ZMYND11: variants seen among roughly 807,000 people sequenced by gnomAD.
ZMYND11 encodes zinc finger MYND domain-containing protein 11.
Under a neutral mutation model 84.9 loss-of-function variants are expected in ZMYND11, and 9 were observed. The ratio of observed to expected loss-of-function variants is 0.11; its 90% CI spans 0.06 to 0.18. ZMYND11 has a LOEUF of 0.18. Ranked by LOEUF, ZMYND11 falls within the 10% of genes least tolerant of loss-of-function variation. The probability of loss-of-function intolerance (pLI) is 1.00; values close to 1 mark genes in which losing one functional copy is unlikely to be tolerated. For missense variants in ZMYND11, 409 were observed against 761.0 expected, an observed-to-expected ratio of 0.54 and a Z score of 5.44; for synonymous variants, 250 against 244.1, an observed-to-expected ratio of 1.02 and a Z score of -0.23.
intron 2 of ZMYND11, among the ~76,000 whole-genome samples, chr10:197,344 T>G (rs559837561): frequency 9.2e-5 from 14 of 152,362 alleles, no homozygotes; most frequent in African/African-American, 2.9e-4. Context: ...TCATTGGAAC[T>G]TCTCTTTTTT....
chr10:240,869 A>T (rs1950781117), intron 8 of ZMYND11, 24 bp from the exon 9 acceptor site: 1 of 1,584,138 alleles, frequency 6.3e-7, no homozygotes, highest in African/African-American at 1.3e-5. Flanking sequence ...TATGTAGGCT[A>T]AAGTAGTTTC....
intron 2 of ZMYND11, among the ~76,000 whole-genome samples, chr10:184,713 T>C (rs1168798460): frequency 6.6e-6 from 1 of 152,198 alleles, no homozygotes; most frequent in Non-Finnish European, 1.5e-5. Flanking sequence ...GCGTGTGCCA[T>C]AGTCCTCTCT....
intron 5 of ZMYND11, among the ~76,000 whole-genome samples, 183 bp downstream of exon 5, chr10:237,098 T>C (rs1950119753): frequency 6.6e-6 from 1 of 152,216 alleles, no homozygotes; most frequent in South Asian, 2.1e-4. Context: ...CAGTTAGATT[T>C]TCTTGTTTTG....
intron 1 of ZMYND11, among the ~76,000 whole-genome samples, chr10:164,556 A>G (rs374195824): frequency 2.6e-5 from 4 of 152,216 alleles, no homozygotes; most frequent in African/African-American, 9.6e-5. Flanking sequence ...AGAAAAAGAA[A>G]GCATAGCAAA....
chr10:243,231 A>G (rs1026712950), intron 10 of ZMYND11, among the ~76,000 whole-genome samples: 4 of 152,218 alleles, frequency 2.6e-5, no homozygotes, highest in African/African-American at 9.6e-5. Flanking sequence ...AAATGTTGCT[A>G]CAGAGAGACC....
chr10:213,746 AT>A (rs1945686784), intron 3 of ZMYND11, among the ~76,000 whole-genome samples: 1 of 152,138 alleles, frequency 6.6e-6, no homozygotes, highest in African/African-American at 2.4e-5. Flanking sequence ...CAATTCCACA[AT>A]TCTGTTGATA....
At chr10:170,174 CAA>C (rs1844955118) in intron 1 of ZMYND11, among the ~76,000 whole-genome samples, 1 of 152,008 alleles carries the variant, frequency 6.6e-6, no homozygotes, top group Non-Finnish European at 1.5e-5. Context: ...CTGTGTCCAG[CAA>C]AACTATATCT....
chr10:194,956 A>C (rs978857382), intron 2 of ZMYND11, among the ~76,000 whole-genome samples: 3 of 152,240 alleles, frequency 2.0e-5, no homozygotes, highest in African/African-American at 7.2e-5. Flanking sequence ...TTGCAGACCA[A>C]ATTTAACATG....
At chr10:236,526 C>T (rs969664957) in intron 4 of ZMYND11, among the ~76,000 whole-genome samples, 38 of 152,046 alleles carry the variant, frequency 2.5e-4, no homozygotes, top group African/African-American at 6.3e-4. Flanking sequence ...GTAAAATAAG[C>T]GATTATCCCT....
intron 1 of ZMYND11, among the ~76,000 whole-genome samples, chr10:169,611 G>A (rs1412109264): frequency 6.6e-6 from 1 of 152,140 alleles, no homozygotes; most frequent in African/African-American, 2.4e-5. Context: ...AAGGAATCAA[G>A]AAGTGCGAGA....
At chr10:247,067 A>T in intron 11 of ZMYND11, 94 bp downstream of exon 11, 2 of 1,283,418 alleles carry the variant, frequency 1.6e-6, no homozygotes, top group Non-Finnish European at 2.2e-6. Context: ...ACAGATTTTG[A>T]CGTTCTCCTT....
At chr10:237,382 C>T (rs917276782) in intron 5 of ZMYND11, among the ~76,000 whole-genome samples, 1 of 152,200 alleles carries the variant, frequency 6.6e-6, no homozygotes, top group Non-Finnish European at 1.5e-5. Context: ...GTGGCTCCCG[C>T]CTGTAATCCC....
chr10:239,532 T>C lies in ZMYND11; in HGVS notation c.697+7T>C. ...ACCGTGATTTTCTATGGAGGTTGAATATTTTTGTTTTTTTTGTATGCATTT... is the reference window on the plus strand; with the variant it reads ...ACCGTGATTTTCTATGGAGGTTGAACATTTTTGTTTTTTTTGTATGCATTT... On this transcript the variant is annotated splice_region_variant and intron_variant, in intron 7 of 14. Coordinates refer to ENST00000381604, the MANE Select transcript of ZMYND11 (RefSeq NM_001370100.5). 6.8e-7 allele frequency: 1 copy of C among 1,470,100 alleles called. No individual in the cohort carries two copies. Among genetic ancestry groups the C allele is most frequent in the South Asian group, 1.2e-5 (1 of 83,476 alleles). 91.1% of individuals were successfully genotyped at this position (1,470,100 alleles called of 1,614,324 possible). A position where few individuals can be genotyped will look rare whatever the true frequency, so the allele number is the denominator to read the frequency against.
At chr10:193,157 T>C (rs187542078) in intron 2 of ZMYND11, among the ~76,000 whole-genome samples, 53 of 152,334 alleles carry the variant, frequency 3.5e-4, no homozygotes, top group Middle Eastern at 3.4e-3. Context: ...TTACTAATTG[T>C]ATAGTTTTAT....
At chr10:191,676 G>A (rs1439588638) in intron 2 of ZMYND11, among the ~76,000 whole-genome samples, 1 of 152,188 alleles carries the variant, frequency 6.6e-6, no homozygotes, top group Non-Finnish European at 1.5e-5. Context: ...ATTTCTAAAA[G>A]TAACATAAAT....
At chr10:248,266 A>G (rs1053938517) in intron 12 of ZMYND11, 70 bp from the exon 13 acceptor site, 6 of 1,541,944 alleles carry the variant, frequency 3.9e-6, no homozygotes, top group Non-Finnish European at 5.3e-6. Context: ...TTTTATCCGA[A>G]TGGGGTAGTT....
rs111622295 is a variant in ZMYND11, at chr10:236,764, T to A, written c.439-74T>A. On this transcript the variant is annotated intron_variant, in intron 4 of 14. Transcript: ENST00000381604. Reference sequence around the variant, plus strand: ...TTGCATACTATCTAAGTGTTTCATATATGTCTTTTACATGAATATAGACAT... The same window carrying A: ...TTGCATACTATCTAAGTGTTTCATAAATGTCTTTTACATGAATATAGACAT... The A allele has an allele frequency of 8.6e-5, 111 of 1,295,038 alleles. No individual in the cohort carries two copies. In the African/African-American group the frequency reaches 1.6e-3, roughly 19 times the overall value. 80.2% of individuals were successfully genotyped at this position (1,295,038 alleles called of 1,614,324 possible). A position where few individuals can be genotyped will look rare whatever the true frequency, so the allele number is the denominator to read the frequency against.
At chr10:163,062 A>C (rs769555533) in intron 1 of ZMYND11, among the ~76,000 whole-genome samples, 6 of 152,148 alleles carry the variant, frequency 3.9e-5, no homozygotes, top group Non-Finnish European at 4.4e-5. Flanking sequence ...AAGGTGCATA[A>C]ATTTTTTTAA....
chr10:135,159 GCCCGCTCCGGC>G (rs1390899328), upstream of ZMYND11: 1 of 150,346 alleles, frequency 6.7e-6, no homozygotes, highest in Non-Finnish European at 1.5e-5. This position sits in a 1 kb window ranked among gnomAD's most constrained non-coding sequence, Gnocchi z 5.6. Context: ...ACTTCCCGCC[GCCCGCTCCGGC>G]CCCGCAGGCC....
Sources: allele counts gnomAD v4.1 joint callset (sites outside exome capture counted in the v4.1 genomes callset), GRCh38; gene constraint gnomAD v4.1.1; non-coding constraint Gnocchi (gnomAD v3.1); transcripts MANE v1.5; gene names NCBI Gene and HGNC (gene_info 2026-07-23, HGNC 2026-07-21).